MESD: variants seen among roughly 807,000 people sequenced by gnomAD.
MESD encodes the protein LRP chaperone MESD.
MESD carries 7 observed loss-of-function variants against 12.9 expected under a neutral mutation model. That is an observed-to-expected ratio of 0.54 (90% CI 0.31 to 1.02). MESD has a LOEUF of 1.02. Among genes scored for constraint, MESD ranks in the 50% least tolerant of loss-of-function variants. MESD has a pLI of 0.05. For missense variants in MESD, 342 were observed against 296.7 expected, an observed-to-expected ratio of 1.15 and a Z score of -1.12; for synonymous variants, 126 against 115.6, an observed-to-expected ratio of 1.09 and a Z score of -0.58.
At chr15:80,959,233 A>T (rs1417910315) in intron 3 of MESD, among the ~76,000 whole-genome samples, 1 of 152,168 alleles carries the variant, frequency 6.6e-6, no homozygotes, top group Non-Finnish European at 1.5e-5. Flanking sequence ...GAGAGGGTAG[A>T]GGTTGAAGGT....
downstream of MESD, among the ~76,000 whole-genome samples, chr15:80,970,954 G>A (rs905004533): frequency 3.9e-5 from 6 of 152,164 alleles, no homozygotes; most frequent in African/African-American, 9.7e-5. Context: ...GTGGAGGATG[G>A]AGAATTTGAT....
rs184851345 is a variant in MESD at position 80,962,039 on chromosome 15, G to C, written c.*289-9743C>G. Among the ~76,000 whole-genome samples, 36 of 152,328 alleles carry C rather than the reference G, an allele frequency of 2.4e-4. No homozygotes were observed. The East Asian group carries it at 6.7e-3, about 29-fold the overall frequency. On this transcript the variant is annotated intron_variant, in intron 3 of 4. Transcript: ENST00000561312. ...CTAAATGCCCCAATTAAAAGATACA[G>C]ACTGGCAAATTGGACAAAGAGTCAA... is the stretch of plus-strand genomic sequence containing the variant.
chr15:80,982,144 G>A lies in MESD; in HGVS notation c.252C>T (p.His84=). The change falls in exon 2 of 3, where the codon CAC becomes CAT. Residue 84 remains histidine, a synonymous_variant. Coordinates refer to ENST00000261758, the MANE Select transcript of MESD (RefSeq NM_015154.3). ...DDIEEGDLPE[H]KRPSAPVDFS... is the part of the protein sequence containing the mutation. ...AGTCGACAGGTGCTGAAGGTCTCTT[G>A]TGCTCTGGAAGATCTCCTTCTTCAA... 1 of 1,614,068 alleles carries A rather than the reference G, an allele frequency of 6.2e-7. No individual in the cohort carries two copies.
chr15:80,982,765 T>C (rs1401548299), intron 1 of MESD, among the ~76,000 whole-genome samples: 1 of 151,564 alleles, frequency 6.6e-6, no homozygotes, highest in Non-Finnish European at 1.5e-5. Flanking sequence ...GGGTGTAGAT[T>C]ACACAGATAT....
At chr15:80,981,738 C>G (rs981962769) in intron 2 of MESD, among the ~76,000 whole-genome samples, 1 of 152,048 alleles carries the variant, frequency 6.6e-6, no homozygotes, top group African/African-American at 2.4e-5. Context: ...GCCTGTAGTT[C>G]CAGCTACTCG....
intron 1 of MESD, among the ~76,000 whole-genome samples, chr15:80,983,376 C>G (rs922704869): frequency 6.6e-6 from 1 of 152,118 alleles, no homozygotes; most frequent in Non-Finnish European, 1.5e-5. Context: ...GGTTTGTTTT[C>G]TGTAGTGGTA....
intron 1 of MESD, among the ~76,000 whole-genome samples, chr15:80,983,894 C>CTTTTTTTTTTTTTTTTTTTTTTT (rs10570822): frequency 1.1e-5 from 1 of 88,466 alleles, no homozygotes; most frequent in African/African-American, 4.1e-5. Flanking sequence ...AAAACAGTAA[C>CTTTTTTTTTTTTTTTTTTTTTTT]TTTTTTTTTT....
chr15:80,970,194 G>A (rs1314514458), intron 3 of MESD, among the ~76,000 whole-genome samples: 1 of 152,164 alleles, frequency 6.6e-6, no homozygotes. Context: ...ACACATGGTG[G>A]GGAAGCCGTG....
chr15:80,986,132 G>T (rs1460215300), intron 1 of MESD, among the ~76,000 whole-genome samples: 1 of 152,116 alleles, frequency 6.6e-6, no homozygotes, highest in African/African-American at 2.4e-5. Flanking sequence ...TAATGAGCCT[G>T]GAGGACATTA....
chr15:80,954,274 G>A (rs1246989498), intron 3 of MESD, among the ~76,000 whole-genome samples: 1 of 152,188 alleles, frequency 6.6e-6, no homozygotes, highest in African/African-American at 2.4e-5. Flanking sequence ...GCCTCCTGCA[G>A]AGCATAGGCC....
At chr15:80,968,747 C>T (rs1358266819) in intron 3 of MESD, among the ~76,000 whole-genome samples, 1 of 152,202 alleles carries the variant, frequency 6.6e-6, no homozygotes, top group African/African-American at 2.4e-5. Flanking sequence ...TTTATTAGCA[C>T]CTACAGGCTT....
Position 80,979,271 on chromosome 15 carries a change from G to A in MESD, c.653C>T (p.Ser218Phe). The A allele has an allele frequency of 1.9e-6, 3 of 1,613,968 alleles. No individual in the cohort carries two copies. The highest frequency in any genetic ancestry group is 2.5e-6 in the Non-Finnish European group (3 of 1,180,030). The change falls in exon 3 of 3, where the codon TCT becomes TTT. Residue 218 changes from serine to phenylalanine, a missense_variant. Coordinates refer to ENST00000261758, the MANE Select transcript of MESD (RefSeq NM_015154.3). The part of the protein sequence containing the change: ...GKKKKEGDLK[S>F]RSSKEENRAG... ...TCGATTTTCTTCCTTGGAAGACCGA[G>A]ATTTCAGATCTCCTTCCTTCTTTTT...
At chr15:80,982,325 T>G in intron 1 of MESD, 143 bp from the exon 2 acceptor site, 3 of 661,192 alleles carry the variant, frequency 4.5e-6, no homozygotes, top group Non-Finnish European at 5.2e-6. Context: ...GTTTTCTTCC[T>G]CTTCTTAACT....
At position 80,967,100 on chromosome 15, in the gene MESD, T is replaced by C. The variant is rs938254879; in HGVS notation, c.*288+11831A>G. On this transcript the variant is annotated intron_variant, in intron 3 of 4. Coordinates refer to the MESD transcript ENST00000561312. The stretch of plus-strand genomic sequence containing the variant: ...TGAGGTCAGGAGTTCGAGACCAGCC[T>C]GACCAACATGAAGAAACCCCCGCCT... 3.3e-5 allele frequency among the ~76,000 whole-genome samples: 5 copies of C among 152,140 alleles called. No individual in the cohort carries two copies. The East Asian group carries it at 7.7e-4, about 23-fold the overall frequency.
rs1902498178 is a variant in MESD, at chr15:80,979,030, C to G, written c.*189G>C. On this transcript the variant is annotated 3_prime_UTR_variant, in exon 3 of 3. Transcript: ENST00000261758. ...GTGTCCAGTATTAATTAGAAAACAT[C>G]TGTCTTCTTACTTGAAGCCTATTAA... is the stretch of plus-strand genomic sequence containing the variant. 1.5e-6 allele frequency: 1 copy of G among 678,978 alleles called. No individual in the cohort carries two copies. Among genetic ancestry groups the G allele is most frequent in the Admixed American group, 3.0e-5 (1 of 33,650 alleles). 42.1% of individuals were successfully genotyped at this position (678,978 alleles called of 1,614,324 possible). A position where few individuals can be genotyped will look rare whatever the true frequency, so the allele number is the denominator to read the frequency against.
chr15:80,967,826 C>T (rs1199494793), intron 3 of MESD, among the ~76,000 whole-genome samples: 1 of 152,186 alleles, frequency 6.6e-6, no homozygotes, highest in Non-Finnish European at 1.5e-5. Context: ...CCTAGGTCTG[C>T]CAGGGAACAG....
At chr15:80,958,471 C>T (rs531545773) in intron 3 of MESD, among the ~76,000 whole-genome samples, 1 of 152,306 alleles carries the variant, frequency 6.6e-6, no homozygotes, top group South Asian at 2.1e-4. Flanking sequence ...GCTGAGACCA[C>T]AGGCATGCGC....
At chr15:80,946,891 C>A, downstream of MESD, 1 of 1,019,580 alleles carries the variant, frequency 9.8e-7, no homozygotes, top group Non-Finnish European at 1.5e-6. Context: ...CATGCACAAA[C>A]CAACATCCCT....
At chr15:80,953,530 C>T (rs1901895714) in intron 3 of MESD, among the ~76,000 whole-genome samples, 1 of 152,216 alleles carries the variant, frequency 6.6e-6, no homozygotes, top group Non-Finnish European at 1.5e-5. Flanking sequence ...CCTTCCGTTC[C>T]TGTCCGCAGG....
Sources: gnomAD v4.1 joint callset for allele counts (sites outside exome capture counted in the v4.1 genomes callset) on GRCh38, gnomAD v4.1.1 for gene constraint, MANE v1.5 for transcripts, NCBI Gene and HGNC (gene_info 2026-07-23, HGNC 2026-07-21) for gene names.